Variants in TDRD12 observed in about 807,000 individuals in gnomAD.
TDRD12 encodes putative ATP-dependent RNA helicase TDRD12.
A neutral mutation model predicts 133.5 loss-of-function variants in TDRD12; 158 were observed. That is an observed-to-expected ratio of 1.18 (90% CI 1.04 to 1.35). The LOEUF (loss-of-function observed/expected upper bound fraction) is 1.35, where lower values mean the gene tolerates loss of function less well. Among genes scored for constraint, TDRD12 ranks in the 40% most tolerant of loss-of-function variants. TDRD12 has a pLI of 0.00. For synonymous variants in TDRD12, 460 were observed against 477.9 expected, an observed-to-expected ratio of 0.96 and a Z score of 0.49; for missense variants, 1,443 against 1,321.3, an observed-to-expected ratio of 1.09 and a Z score of -1.43.
chr19:32,768,088 C>G (rs543906029), intron 8 of TDRD12, among the ~76,000 whole-genome samples: 1 of 152,148 alleles, frequency 6.6e-6, no homozygotes, highest in Non-Finnish European at 1.5e-5. Flanking sequence ...GCTGCTTTTG[C>G]ACTGTCAGAG....
intron 13 of TDRD12, among the ~76,000 whole-genome samples, chr19:32,791,429 C>T (rs1971067789): frequency 6.6e-6 from 1 of 152,090 alleles, no homozygotes; most frequent in African/African-American, 2.4e-5. Context: ...AATTGTCTTA[C>T]ACACATATGG....
chr19:32,765,474 T>G (rs948023570), intron 8 of TDRD12, among the ~76,000 whole-genome samples: 10 of 152,180 alleles, frequency 6.6e-5, no homozygotes, highest in South Asian at 2.1e-4. Flanking sequence ...CAATAGCAAA[T>G]ACTTGGAACC....
chr19:32,825,988 TTCC>T, downstream of TDRD12: 3 of 696,906 alleles, frequency 4.3e-6, no homozygotes, highest in Non-Finnish European at 6.9e-6. This position sits in a 1 kb window ranked among gnomAD's most constrained non-coding sequence, Gnocchi z 4.1. Flanking sequence ...TTTTATGTGA[TTCC>T]TCATCTAGAC....
At chr19:32,740,513 C>T (rs1354867512) in intron 3 of TDRD12, among the ~76,000 whole-genome samples, 5 of 149,770 alleles carry the variant, frequency 3.3e-5, no homozygotes, top group African/African-American at 9.8e-5. Context: ...GCATCTCCTG[C>T]GTTCTCTGCA....
intron 1 of TDRD12, 70 bp downstream of exon 1, chr19:32,720,166 C>T: frequency 2.1e-6 from 3 of 1,422,138 alleles, no homozygotes; most frequent in Non-Finnish European, 2.8e-6. Flanking sequence ...CCGCGCACAG[C>T]CTCCCACCCC....
intron 11 of TDRD12, among the ~76,000 whole-genome samples, chr19:32,785,575 T>G (rs2145644502): frequency 6.6e-6 from 1 of 152,228 alleles, no homozygotes; most frequent in Non-Finnish European, 1.5e-5. Flanking sequence ...AAGTCTCCCA[T>G]TTATTATTGT....
chr19:32,753,730 G>A (rs1054942359), intron 6 of TDRD12, among the ~76,000 whole-genome samples: 4 of 149,840 alleles, frequency 2.7e-5, no homozygotes, highest in Admixed American at 6.7e-5. Flanking sequence ...TGTTAGCCAG[G>A]ATGGTCTCGA....
exon 7 of TDRD12, chr19:32,756,140 G>C (rs975240219): frequency 2.8e-6 from 4 of 1,438,828 alleles, no homozygotes; most frequent in Non-Finnish European, 3.6e-6. Flanking sequence ...CTTACACTCT[G>C]GCCAATGTTT....
At chr19:32,800,488 T>C in intron 17 of TDRD12, 130 bp downstream of exon 17, 1 of 965,396 alleles carries the variant, frequency 1.0e-6, no homozygotes, top group African/African-American at 1.6e-5. Flanking sequence ...TGATTTCATA[T>C]ATAAATTATG....
At chr19:32,826,637 C>T (rs2112917) in intron 9 of TDRD12, 39 bp downstream of exon 31, 245,313 of 1,233,520 alleles carry the variant, frequency 0.2, 24,982 homozygotes, top group African/African-American at 0.3. Context: ...CTTTACCCTG[C>T]GTGTGTCATA....
chr19:32,773,899 G>T (rs1034045290), intron 10 of TDRD12, among the ~76,000 whole-genome samples: 7 of 152,212 alleles, frequency 4.6e-5, no homozygotes, highest in African/African-American at 1.7e-4. Flanking sequence ...ACTGGTAGTG[G>T]CCCTAGAGTC....
At chr19:32,727,887 C>T (rs1342161206) in intron 1 of TDRD12, among the ~76,000 whole-genome samples, 2 of 152,090 alleles carry the variant, frequency 1.3e-5, no homozygotes, top group East Asian at 1.9e-4. Flanking sequence ...AGGCTTGTGT[C>T]GAACTCCTGA....
chr19:32,773,282 G>A (rs549881700), intron 9 of TDRD12, among the ~76,000 whole-genome samples, 174 bp from the exon 10 acceptor site: 3 of 152,272 alleles, frequency 2.0e-5, no homozygotes, highest in African/African-American at 4.8e-5. Context: ...TGGTTATAGC[G>A]CTGGCATAAT....
At chr19:32,720,866 G>C (rs1464269489) in intron 1 of TDRD12, among the ~76,000 whole-genome samples, 1 of 141,614 alleles carries the variant, frequency 7.1e-6, no homozygotes, top group African/African-American at 2.7e-5. Context: ...CTGGGAGCTG[G>C]GGTAGAACCC....
intron 8 of TDRD12, among the ~76,000 whole-genome samples, chr19:32,760,739 C>A (rs1001553821): frequency 6.6e-6 from 1 of 152,134 alleles, no homozygotes; most frequent in African/African-American, 2.4e-5. Context: ...ATTTATGACG[C>A]CCTCACTGTC....
intron 22 of TDRD12, among the ~76,000 whole-genome samples, chr19:32,809,863 C>T (rs138740974): frequency 1.1e-4 from 16 of 152,154 alleles, no homozygotes; most frequent in African/African-American, 3.6e-4. Flanking sequence ...ATGAAATTTG[C>T]AAAATAAAAA....
chr19:32,753,880 C>A (rs566327468), intron 6 of TDRD12, among the ~76,000 whole-genome samples: 2 of 152,188 alleles, frequency 1.3e-5, no homozygotes, highest in East Asian at 3.9e-4. Flanking sequence ...CCGCAGTCTA[C>A]GTATTTGATT....
At chr19:32,740,967 C>T (rs1200960732) in intron 3 of TDRD12, among the ~76,000 whole-genome samples, 1 of 152,172 alleles carries the variant, frequency 6.6e-6, no homozygotes, top group African/African-American at 2.4e-5. Flanking sequence ...ATGACTTTTC[C>T]ATAGTTTCCC....
At chr19:32,789,513 C>T (rs1262033556) in intron 11 of TDRD12, among the ~76,000 whole-genome samples, 1 of 152,156 alleles carries the variant, frequency 6.6e-6, no homozygotes, top group Non-Finnish European at 1.5e-5. Flanking sequence ...TATCGATGGG[C>T]TCATACGGTG....
Sources: gnomAD v4.1 joint callset for allele counts (sites outside exome capture counted in the v4.1 genomes callset) on GRCh38, gnomAD v4.1.1 for gene constraint, Gnocchi (gnomAD v3.1) non-coding constraint, MANE v1.5 for transcripts, NCBI Gene and HGNC (gene_info 2026-07-23, HGNC 2026-07-21) for gene names.